Variants in ING3 observed in about 807,000 individuals in gnomAD.
The protein encoded by ING3 is inhibitor of growth protein 3.
In ING3, 6 loss-of-function variants were observed where a neutral mutation model predicts 64.8. That is an observed-to-expected ratio of 0.09 (90% CI 0.05 to 0.18). The LOEUF (loss-of-function observed/expected upper bound fraction) is 0.18. Among genes scored for constraint, ING3 ranks in the 10% least tolerant of loss-of-function variants. ING3 has a pLI of 1.00. For missense variants in ING3, 310 were observed against 489.7 expected (o/e 0.63, Z 3.46); for synonymous variants, 170 against 173.7 (o/e 0.98, Z 0.17).
At position 120,976,644 on chromosome 7, in the gene ING3, A is replaced by G. The variant is rs558687655; in HGVS notation, c.*1800A>G. 2 of 152,290 alleles carry G rather than the reference A, an allele frequency of 1.3e-5. No homozygotes were observed. The highest frequency in any genetic ancestry group is 3.9e-4 in the East Asian group (2 of 5,186). 9.4% of individuals were successfully genotyped at this position (152,290 alleles called of 1,614,324 possible). A position where few individuals can be genotyped will look rare whatever the true frequency, so the allele number is the denominator to read the frequency against. On this transcript the variant is annotated 3_prime_UTR_variant, in exon 12 of 12. Coordinates refer to ENST00000315870, the MANE Select transcript of ING3 (RefSeq NM_019071.3). ...TTTACATCCTCTATATATTATGACT[A>G]TTCCAAACTCATTCATTTTATAGAA...
At chr7:120,972,665 T>G (rs1290720886) in intron 10 of ING3, among the ~76,000 whole-genome samples, 1 of 152,140 alleles carries the variant, frequency 6.6e-6, no homozygotes, top group Non-Finnish European at 1.5e-5. Flanking sequence ...TCAGAAGATA[T>G]GCCATCTAGT....
At chr7:120,968,700 A>G (rs190385922) in intron 8 of ING3, among the ~76,000 whole-genome samples, 48 of 151,816 alleles carry the variant, frequency 3.2e-4, no homozygotes, top group Admixed American at 1.0e-3. Flanking sequence ...CAAAAAAATT[A>G]GCTGGGTGCC....
chr7:120,951,643 G>C (rs1795767495), intron 2 of ING3, among the ~76,000 whole-genome samples: 1 of 152,170 alleles, frequency 6.6e-6, no homozygotes, highest in African/African-American at 2.4e-5. Context: ...AGTTTTTCAA[G>C]AGTGGAAAGC....
chr7:120,967,715 T>G, intron 7 of ING3, 67 bp downstream of exon 7: 1 of 1,471,654 alleles, frequency 6.8e-7, no homozygotes, highest in Non-Finnish European at 9.2e-7. Flanking sequence ...AATAAAGTGT[T>G]TCAGGATTAA....
Position 120,975,044 on chromosome 7 carries a change from C to T in ING3, c.*200C>T, listed in dbSNP as rs1796117346. 1 of 345,762 alleles carries T rather than the reference C, an allele frequency of 2.9e-6. No homozygotes were observed. The highest frequency in any genetic ancestry group is 5.4e-6 in the Non-Finnish European group (1 of 184,216). The allele number at this position is 345,762 out of a possible 1,614,324, so 21.4% of individuals were successfully genotyped here. A position where few individuals can be genotyped will look rare whatever the true frequency, so the allele number is the denominator to read the frequency against. ...ATGTAAGTAAATTATTTATGCACTCCTGGTGTGCTATGAATATTATTCCAG... is the reference window on the plus strand; with the variant it reads ...ATGTAAGTAAATTATTTATGCACTCTTGGTGTGCTATGAATATTATTCCAG... On this transcript the variant is annotated 3_prime_UTR_variant, in exon 12 of 12. Coordinates refer to ENST00000315870, the MANE Select transcript of ING3 (RefSeq NM_019071.3).
chr7:120,970,569 T>C, intron 9 of ING3, 119 bp from the exon 10 acceptor site: 2 of 1,033,706 alleles, frequency 1.9e-6, no homozygotes, highest in Middle Eastern at 2.1e-4. Context: ...TCCGGATTAC[T>C]TTAGCTTACA....
intron 4 of ING3, among the ~76,000 whole-genome samples, chr7:120,963,987 T>C (rs1795966971): frequency 6.6e-6 from 1 of 152,098 alleles, no homozygotes; most frequent in Non-Finnish European, 1.5e-5. Context: ...TGAAAAAATA[T>C]TAAAATATTT....
In ING3 at chr7:120,955,549, T is replaced by G. The variant is rs1179005715; in HGVS notation, c.202-10T>G. The G allele has an allele frequency of 6.3e-6, 10 of 1,581,798 alleles. No homozygotes were observed. The highest frequency in any genetic ancestry group is 3.5e-5 in the Admixed American group (2 of 57,608). On this transcript the variant is annotated splice_polypyrimidine_tract_variant and intron_variant, in intron 3 of 11. Transcript: ENST00000315870. ...TAATTTATTTTTGAAATGAAAATGT[T>G]TTCATTCAGGACTACTATAAAGCTT... is the stretch of plus-strand genomic sequence containing the variant.
chr7:120,955,990 C>T, intron 4 of ING3: 1 of 598,188 alleles, frequency 1.7e-6, no homozygotes, highest in Non-Finnish European at 2.9e-6. Context: ...TGGTAAAATA[C>T]ACCTAAGAAG....
rs114290753 is a variant in ING3 at position 120,958,428 on chromosome 7, C to T, written c.267+2804C>T. Among the ~76,000 whole-genome samples the T allele has an allele frequency of 1.4e-3, 208 of 152,258 alleles. 1 individual carries two copies. The highest frequency in any genetic ancestry group is 4.9e-3 in the African/African-American group (203 of 41,536). ...CCGGTTCACAGTTCTCTGTTGCAAT[C>T]ATCTTATACTACCTAGTCATCTACT... On this transcript the variant is annotated intron_variant, in intron 4 of 11. Transcript: ENST00000315870.
chr7:120,972,043 A>G (rs1422728160), intron 10 of ING3, among the ~76,000 whole-genome samples: 4 of 152,060 alleles, frequency 2.6e-5, no homozygotes, highest in African/African-American at 9.7e-5. Flanking sequence ...TCGACTCCTA[A>G]TGGTGTCGGC....
At chr7:120,955,520 T>C in intron 3 of ING3, 39 bp from the exon 4 acceptor site, 1 of 1,333,662 alleles carries the variant, frequency 7.5e-7, no homozygotes, top group Non-Finnish European at 1.1e-6. Context: ...TATTTTAAAA[T>C]GATTAATTTA....
chr7:120,965,911 T>A (rs928727370), intron 5 of ING3, among the ~76,000 whole-genome samples: 3 of 152,210 alleles, frequency 2.0e-5, no homozygotes, highest in Non-Finnish European at 4.4e-5. Flanking sequence ...ATGCTGATGA[T>A]AGCTGTGAGT....
chr7:120,963,876 A>G (rs1795965180), intron 4 of ING3, among the ~76,000 whole-genome samples: 1 of 152,218 alleles, frequency 6.6e-6, no homozygotes, highest in Non-Finnish European at 1.5e-5. Context: ...GCAGTAATCC[A>G]GTGGGAAACT....
At chr7:120,951,375 G>C in intron 2 of ING3, 140 bp downstream of exon 2, 1 of 762,448 alleles carries the variant, frequency 1.3e-6, no homozygotes, top group East Asian at 2.6e-5. Flanking sequence ...AAAAAGAACT[G>C]GCAGCCCTGA....
intron 5 of ING3, among the ~76,000 whole-genome samples, chr7:120,965,372 G>T (rs1230868553): frequency 6.6e-6 from 1 of 152,024 alleles, no homozygotes; most frequent in Non-Finnish European, 1.5e-5. Flanking sequence ...GGCTCTATTT[G>T]ATCTCCTGCT....
At chr7:120,963,715 C>T (rs901655286) in intron 4 of ING3, among the ~76,000 whole-genome samples, 1 of 152,162 alleles carries the variant, frequency 6.6e-6, no homozygotes, top group African/African-American at 2.4e-5. Context: ...TCATAGGCAT[C>T]TAACCCATGC....
intron 4 of ING3, among the ~76,000 whole-genome samples, chr7:120,957,329 G>A (rs1396562718): frequency 6.6e-6 from 1 of 151,320 alleles, no homozygotes; most frequent in Non-Finnish European, 1.5e-5. Flanking sequence ...CAGAGATCGC[G>A]CCACTGCACT....
intron 4 of ING3, chr7:120,956,179 A>G (rs2116656023): frequency 6.2e-7 from 1 of 1,609,770 alleles, no homozygotes; most frequent in South Asian, 1.1e-5. Flanking sequence ...TAAAAGATTG[A>G]AAACACCAAG....
Sources: allele counts gnomAD v4.1 joint callset (sites outside exome capture counted in the v4.1 genomes callset), GRCh38; gene constraint gnomAD v4.1.1; transcripts MANE v1.5; gene names NCBI Gene and HGNC (gene_info 2026-07-23, HGNC 2026-07-21).